ZBTB16: variants seen among roughly 807,000 people sequenced by gnomAD.
ZBTB16 encodes zinc finger and BTB domain-containing protein 16.
A neutral mutation model predicts 56.8 loss-of-function variants in ZBTB16; 8 were observed. The ratio of observed to expected loss-of-function variants is 0.14; its 90% CI spans 0.08 to 0.25. ZBTB16 has a LOEUF of 0.25. Ranked by LOEUF, ZBTB16 falls within the 10% of genes least tolerant of loss-of-function variation. The probability of loss-of-function intolerance (pLI) is 1.00; values close to 1 mark genes in which losing one functional copy is unlikely to be tolerated. For synonymous variants in ZBTB16, 363 were observed against 368.5 expected (o/e 0.98, Z 0.17); for missense variants, 625 against 903.0 (o/e 0.69, Z 3.95).
intron 3 of ZBTB16, among the ~76,000 whole-genome samples, chr11:114,167,385 TG>T (rs372548990): frequency 0.11 from 8,167 of 77,404 alleles, 462 homozygotes; most frequent in African/African-American, 0.33. Flanking sequence ...CGAGTTTTTT[TG>T]TTTTTTTTTT....
chr11:114,144,675 C>T (rs1325645226), intron 2 of ZBTB16, among the ~76,000 whole-genome samples: 1 of 152,232 alleles, frequency 6.6e-6, no homozygotes, highest in African/African-American at 2.4e-5. Context: ...CCGTGGGTCC[C>T]ACTCCTGGAG....
In ZBTB16 at chr11:114,253,407, CAA is replaced by C. The variant is rs1194009930; in HGVS notation, c.*2855_*2856del. 7.6e-6 allele frequency among the ~76,000 whole-genome samples: 1 copy of C among 131,040 alleles called. No individual in the cohort carries two copies. Among genetic ancestry groups the C allele is most frequent in the East Asian group, 2.0e-4 (1 of 4,996 alleles). The allele number at this position is 131,040 out of a possible 152,430, so 86.0% of individuals were successfully genotyped here. ...TCCTTTTGTAATGTGAATAGGAAGA[CAA>C]AAGACAAAAAAAAATCCACCACCAC... is the stretch of plus-strand genomic sequence containing the variant. On this transcript the variant is annotated 3_prime_UTR_variant, in exon 7 of 7. Transcript: ENST00000335953.
At chr11:114,153,885 G>T (rs555793179) in intron 2 of ZBTB16, among the ~76,000 whole-genome samples, 1 of 152,332 alleles carries the variant, frequency 6.6e-6, no homozygotes, top group Non-Finnish European at 1.5e-5. Context: ...AGCATGACTT[G>T]TCCAAGGTTA....
In ZBTB16 at chr11:114,084,902, C is replaced by T. The variant is rs76324698; in HGVS notation, c.1268+20334C>T. 4.2e-3 allele frequency among the ~76,000 whole-genome samples: 633 copies of T among 152,310 alleles called. 5 individuals are homozygous for T. The highest frequency in any genetic ancestry group is 0.014 in the African/African-American group (602 of 41,560). On this transcript the variant is annotated intron_variant, in intron 2 of 6. Coordinates refer to ENST00000335953, the MANE Select transcript of ZBTB16 (RefSeq NM_006006.6). ...TAGCTCAGATCTGCCCACCTTGGAGCCCTGTGCTTTCCTGCCTTAGTGGGC... is the reference window on the plus strand; with the variant it reads ...TAGCTCAGATCTGCCCACCTTGGAGTCCTGTGCTTTCCTGCCTTAGTGGGC...
intron 2 of ZBTB16, among the ~76,000 whole-genome samples, chr11:114,146,632 A>G (rs1414222614): frequency 6.6e-6 from 1 of 151,998 alleles, no homozygotes; most frequent in Non-Finnish European, 1.5e-5. Flanking sequence ...GGATCGCTTG[A>G]GGTCAGGAGT....
At chr11:114,128,016 A>G (rs1941558352) in intron 2 of ZBTB16, among the ~76,000 whole-genome samples, 1 of 152,182 alleles carries the variant, frequency 6.6e-6, no homozygotes, top group South Asian at 2.1e-4. Flanking sequence ...AGCGACTCCC[A>G]GCAAGTTAAG....
intron 4 of ZBTB16, among the ~76,000 whole-genome samples, chr11:114,194,945 A>G (rs1001035118): frequency 2.6e-5 from 4 of 152,248 alleles, no homozygotes; most frequent in Non-Finnish European, 5.9e-5. Context: ...ACCGATCAGT[A>G]ATATAAATTG....
At chr11:114,247,772 A>G (rs1004623715) in intron 6 of ZBTB16, among the ~76,000 whole-genome samples, 3 of 152,214 alleles carry the variant, frequency 2.0e-5, no homozygotes, top group South Asian at 2.1e-4. Context: ...ATTAGGATAC[A>G]TTGAATTAGG....
intron 2 of ZBTB16, among the ~76,000 whole-genome samples, chr11:114,117,511 G>A (rs975458944): frequency 3.3e-5 from 5 of 151,574 alleles, no homozygotes; most frequent in African/African-American, 1.2e-4. Flanking sequence ...CATTGTAGGG[G>A]GAAATGAACA....
At chr11:114,197,112 A>G (rs560092909) in intron 4 of ZBTB16, among the ~76,000 whole-genome samples, 1 of 152,220 alleles carries the variant, frequency 6.6e-6, no homozygotes, top group Non-Finnish European at 1.5e-5. Flanking sequence ...AGTTCAGCCC[A>G]AGGTTCTCTC....
chr11:114,168,795 G>C (rs1302413909), intron 3 of ZBTB16, among the ~76,000 whole-genome samples: 1 of 152,202 alleles, frequency 6.6e-6, no homozygotes, highest in Non-Finnish European at 1.5e-5. Flanking sequence ...TGTGCCCAAG[G>C]GTCCTGGGGG....
chr11:114,123,558 G>A (rs1941404131), intron 2 of ZBTB16, among the ~76,000 whole-genome samples: 1 of 152,126 alleles, frequency 6.6e-6, no homozygotes, highest in South Asian at 2.1e-4. Flanking sequence ...TAATTAGAGA[G>A]GACTTTCTGG....
intron 2 of ZBTB16, among the ~76,000 whole-genome samples, chr11:114,073,267 A>G (rs906780612): frequency 1.6e-4 from 25 of 152,130 alleles, no homozygotes; most frequent in Non-Finnish European, 3.4e-4. Context: ...CTAGTACGTC[A>G]TCTCTTACCA....
At chr11:114,074,548 C>T (rs1939469219) in intron 2 of ZBTB16, among the ~76,000 whole-genome samples, 1 of 152,208 alleles carries the variant, frequency 6.6e-6, no homozygotes, top group Admixed American at 6.5e-5. Flanking sequence ...AACACCGAAG[C>T]CCAGGCCTGA....
intron 3 of ZBTB16, among the ~76,000 whole-genome samples, chr11:114,180,401 G>C (rs1353360716): frequency 2.0e-5 from 3 of 152,216 alleles, no homozygotes; most frequent in African/African-American, 7.2e-5. Context: ...TCACTGCCTG[G>C]GGGGCAGGAG....
chr11:114,090,100 C>T (rs1438850561), intron 2 of ZBTB16, among the ~76,000 whole-genome samples: 3 of 152,242 alleles, frequency 2.0e-5, no homozygotes, highest in Non-Finnish European at 4.4e-5. Flanking sequence ...AGCATTATTG[C>T]TCTCATGCCC....
intron 4 of ZBTB16, among the ~76,000 whole-genome samples, chr11:114,221,677 C>T (rs1944234631): frequency 6.6e-6 from 1 of 152,116 alleles, no homozygotes; most frequent in South Asian, 2.1e-4. Context: ...TTGTTTCTCT[C>T]CCATTCATGT....
chr11:114,061,438 C>T (rs1465927875), intron 1 of ZBTB16: 1 of 152,270 alleles, frequency 6.6e-6, no homozygotes, highest in Non-Finnish European at 1.5e-5. Context: ...CTCATCCCAA[C>T]CTTGACGGCC....
At chr11:114,140,754 CTCTTT>C (rs1471035976) in intron 2 of ZBTB16, among the ~76,000 whole-genome samples, 5 of 152,206 alleles carry the variant, frequency 3.3e-5, no homozygotes, top group African/African-American at 1.2e-4. Context: ...GTTCCAGTCT[CTCTTT>C]TCTTGTACCT....
Sources: gnomAD v4.1 joint callset for allele counts (sites outside exome capture counted in the v4.1 genomes callset) on GRCh38, gnomAD v4.1.1 for gene constraint, MANE v1.5 for transcripts, NCBI Gene and HGNC (gene_info 2026-07-23, HGNC 2026-07-21) for gene names.